The following IMPG1 variants were observed in gnomAD, a reference collection of about 807,000 sequenced individuals.
IMPG1 encodes the protein interphotoreceptor matrix proteoglycan of 150 kDa.
Under a neutral mutation model 92.0 loss-of-function variants are expected in IMPG1, and 85 were observed. The observed-to-expected ratio is 0.92, with a 90% CI of 0.78 to 1.11. IMPG1 has a LOEUF of 1.11. IMPG1 is among the 50% of genes least tolerant of loss of function. The probability of loss-of-function intolerance (pLI) is 0.00; values close to 1 mark genes in which losing one functional copy is unlikely to be tolerated. For synonymous variants in IMPG1, 367 were observed against 334.1 expected, an observed-to-expected ratio of 1.10 and a Z score of -1.08; for missense variants, 1,022 against 956.0, an observed-to-expected ratio of 1.07 and a Z score of -0.91.
chr6:75,931,006 A>G lies in IMPG1; in HGVS notation c.2190T>C (p.Cys730=). 1 of 1,614,244 alleles carries G rather than the reference A, an allele frequency of 6.2e-7. No homozygotes were observed. The highest frequency in any genetic ancestry group is 8.5e-7 in the Non-Finnish European group (1 of 1,180,048). The change falls in exon 15 of 17, where the codon TGT becomes TGC. Residue 730 remains cysteine (C), a synonymous_variant. Coordinates refer to ENST00000369950, the MANE Select transcript of IMPG1 (RefSeq NM_001563.4). ...GSLDGLEPGL[C]GPGTKECEVL... is the part of the protein sequence containing the mutation. ...CCTCGCATTCCTTTGTGCCAGGGCC[A>G]CAGAGGCCTGGTTCCAGACCGTCCA...
intron 2 of IMPG1, among the ~76,000 whole-genome samples, chr6:76,040,679 G>T (rs754489992): frequency 1.3e-5 from 2 of 152,036 alleles, no homozygotes; most frequent in Non-Finnish European, 2.9e-5. Context: ...CTTTTCTATG[G>T]GTGTGGCTTC....
chr6:76,028,047 TTTAG>T (rs1489712087), intron 4 of IMPG1, among the ~76,000 whole-genome samples: 115 of 152,216 alleles, frequency 7.6e-4, no homozygotes, highest in African/African-American at 2.7e-3. Flanking sequence ...TTCACTCTTC[TTTAG>T]TTCATATCTT....
intron 14 of IMPG1, among the ~76,000 whole-genome samples, chr6:75,937,265 T>A (rs1184035996): frequency 1.4e-5 from 2 of 140,864 alleles, no homozygotes; most frequent in Non-Finnish European, 3.1e-5. Context: ...GAGTAAACAC[T>A]TTTTTTTTTT....
chr6:75,933,656 C>T (rs1362157490), intron 14 of IMPG1, among the ~76,000 whole-genome samples: 3 of 152,202 alleles, frequency 2.0e-5, no homozygotes, highest in Admixed American at 6.5e-5. Context: ...AGTCTACTAG[C>T]ATCCCAGTAG....
intron 1 of IMPG1, among the ~76,000 whole-genome samples, chr6:76,054,065 G>A (rs988851952): frequency 2.0e-4 from 31 of 152,232 alleles, no homozygotes; most frequent in African/African-American, 7.5e-4. Context: ...CATAGGAAGA[G>A]CACTCTGCCA....
At chr6:75,979,883 G>A (rs567674505) in intron 12 of IMPG1, among the ~76,000 whole-genome samples, 4 of 152,272 alleles carry the variant, frequency 2.6e-5, no homozygotes, top group Admixed American at 1.3e-4. Flanking sequence ...ACAGGCCTTT[G>A]TGAGGCTAAT....
chr6:75,962,410 T>C (rs992440173), intron 12 of IMPG1, among the ~76,000 whole-genome samples: 4 of 151,974 alleles, frequency 2.6e-5, no homozygotes, highest in Non-Finnish European at 4.4e-5. Context: ...ACATGACCCA[T>C]CATGTCCAGC....
intron 12 of IMPG1, among the ~76,000 whole-genome samples, chr6:75,972,353 C>T (rs1487087429): frequency 6.6e-6 from 1 of 152,134 alleles, no homozygotes; most frequent in East Asian, 1.9e-4. Flanking sequence ...TTTACCTGAG[C>T]TTTATCAGAA....
At chr6:75,998,371 G>A (rs879419287) in intron 12 of IMPG1, among the ~76,000 whole-genome samples, 3 of 152,170 alleles carry the variant, frequency 2.0e-5, no homozygotes, top group Admixed American at 2.0e-4. Context: ...TGGAACATTA[G>A]CAGCTTGGTT....
intron 1 of IMPG1, among the ~76,000 whole-genome samples, chr6:76,045,627 G>A (rs545203669): frequency 6.6e-6 from 1 of 151,768 alleles, no homozygotes; most frequent in Non-Finnish European, 1.5e-5. Flanking sequence ...CAGGAACTTA[G>A]GATCACTTGA....
intron 8 of IMPG1, 60 bp from the exon 9 acceptor site, chr6:76,007,560 T>C: frequency 8.6e-7 from 1 of 1,162,738 alleles, no homozygotes; most frequent in Non-Finnish European, 1.2e-6. Context: ...ATGACATTTA[T>C]TGAGACATTC....
rs141585534 is a variant in IMPG1 at position 76,056,719 on chromosome 6, C to A, written c.68-14593G>T. 1.9e-3 allele frequency among the ~76,000 whole-genome samples: 284 copies of A among 152,284 alleles called. 1 individual carries two copies. Among genetic ancestry groups the A allele is most frequent in the African/African-American group, 6.5e-3 (272 of 41,568 alleles). On this transcript the variant is annotated intron_variant, in intron 1 of 16. Coordinates refer to ENST00000369950, the MANE Select transcript of IMPG1 (RefSeq NM_001563.4). ...ATCTGTTGTCTTTGATAATTGCCATCCTAACAAGTGTGAGGTAATAGCTCA... is the reference window on the plus strand; with the variant it reads ...ATCTGTTGTCTTTGATAATTGCCATACTAACAAGTGTGAGGTAATAGCTCA...
At chr6:75,929,270 A>G (rs907408291) in intron 15 of IMPG1, among the ~76,000 whole-genome samples, 38 of 152,230 alleles carry the variant, frequency 2.5e-4, no homozygotes, top group Non-Finnish European at 3.8e-4. Context: ...GAGTATCATC[A>G]ATCTCCTTTT....
At chr6:76,057,139 C>G (rs976967846) in intron 1 of IMPG1, among the ~76,000 whole-genome samples, 1 of 151,968 alleles carries the variant, frequency 6.6e-6, no homozygotes, top group Admixed American at 6.6e-5. Context: ...ACATGGGGGG[C>G]TGTTGGAAGG....
At chr6:75,932,743 T>G (rs1254561175) in intron 14 of IMPG1, among the ~76,000 whole-genome samples, 1 of 152,038 alleles carries the variant, frequency 6.6e-6, no homozygotes, top group Non-Finnish European at 1.5e-5. Flanking sequence ...TCTTATTCCC[T>G]AGGCTGGAGT....
intron 1 of IMPG1, among the ~76,000 whole-genome samples, chr6:76,057,734 G>A (rs1389446510): frequency 6.6e-6 from 1 of 152,002 alleles, no homozygotes; most frequent in Non-Finnish European, 1.5e-5. Flanking sequence ...AAACCACAAT[G>A]CTAATGTTAT....
At chr6:75,998,878 A>G (rs779912941) in intron 12 of IMPG1, among the ~76,000 whole-genome samples, 5 of 152,144 alleles carry the variant, frequency 3.3e-5, no homozygotes, top group Non-Finnish European at 7.4e-5. Flanking sequence ...TCTTTTTGAG[A>G]TGGAGTCTTG....
chr6:75,974,360 TTTCTTTC>T (rs1468444458), intron 12 of IMPG1, among the ~76,000 whole-genome samples: 1 of 125,524 alleles, frequency 8.0e-6, no homozygotes, highest in Admixed American at 8.7e-5. Context: ...TCTTTCTTTC[TTTCTTTC>T]TTTCTTTCTT....
chr6:75,985,880 A>C (rs1464721458), intron 12 of IMPG1, among the ~76,000 whole-genome samples: 1 of 152,234 alleles, frequency 6.6e-6, no homozygotes, highest in East Asian at 1.9e-4. Flanking sequence ...CTAATGCATT[A>C]ATAAAAGAAA....
Sources: allele counts gnomAD v4.1 joint callset (sites outside exome capture counted in the v4.1 genomes callset), GRCh38; gene constraint gnomAD v4.1.1; transcripts MANE v1.5; gene names NCBI Gene and HGNC (gene_info 2026-07-23, HGNC 2026-07-21).